Variants in CHCHD3 observed in about 807,000 individuals in gnomAD.
The protein encoded by CHCHD3 is MICOS complex subunit MIC19.
A neutral mutation model predicts 38.2 loss-of-function variants in CHCHD3; 20 were observed. The observed-to-expected ratio is 0.52, with a 90% CI of 0.37 to 0.76. CHCHD3 has a LOEUF of 0.76. Ranked by LOEUF, CHCHD3 falls within the 30% of genes least tolerant of loss-of-function variation. The pLI is 0.00. For missense variants in CHCHD3, 245 were observed against 279.2 expected (o/e 0.88, Z 0.87); for synonymous variants, 82 against 100.0 (o/e 0.82, Z 1.07).
intron 3 of CHCHD3, among the ~76,000 whole-genome samples, chr7:133,020,369 G>C (rs1315786253): frequency 6.6e-6 from 1 of 152,090 alleles, no homozygotes; most frequent in African/African-American, 2.4e-5. Context: ...AGATTTAATG[G>C]GGTTGGGGTA....
chr7:133,059,763 T>G (rs947133922), intron 2 of CHCHD3, among the ~76,000 whole-genome samples: 3 of 152,178 alleles, frequency 2.0e-5, no homozygotes, highest in African/African-American at 7.2e-5. Context: ...CCATGCCCAG[T>G]GGAACCAACC....
chr7:132,869,592 A>C (rs1013137823), intron 5 of CHCHD3, among the ~76,000 whole-genome samples: 1 of 152,154 alleles, frequency 6.6e-6, no homozygotes, highest in East Asian at 1.9e-4. Context: ...CCCACCCTCC[A>C]TGACTTGCTT....
At chr7:132,981,758 T>C (rs1811923417) in intron 3 of CHCHD3, among the ~76,000 whole-genome samples, 1 of 152,208 alleles carries the variant, frequency 6.6e-6, no homozygotes, top group African/African-American at 2.4e-5. Context: ...GCCATTACAC[T>C]ATGGAGAGAA....
intron 5 of CHCHD3, among the ~76,000 whole-genome samples, chr7:132,865,176 T>C (rs1808587684): frequency 1.3e-5 from 2 of 152,320 alleles, no homozygotes; most frequent in Admixed American, 6.5e-5. Context: ...TGATGACCCA[T>C]GCTAAGGATG....
At chr7:132,926,449 T>C (rs1810380250) in intron 4 of CHCHD3, among the ~76,000 whole-genome samples, 1 of 152,208 alleles carries the variant, frequency 6.6e-6, no homozygotes, top group South Asian at 2.1e-4. Flanking sequence ...GGTTTATATC[T>C]GATGGCTGAG....
chr7:132,807,628 T>C (rs559022042), intron 6 of CHCHD3, among the ~76,000 whole-genome samples: 2 of 138,280 alleles, frequency 1.4e-5, no homozygotes, highest in Non-Finnish European at 3.1e-5. Flanking sequence ...TATATATATA[T>C]ATATATATAT....
At chr7:133,030,877 TAAACCATTTACTTG>T (rs955950942) in intron 2 of CHCHD3, among the ~76,000 whole-genome samples, 13 of 152,334 alleles carry the variant, frequency 8.5e-5, no homozygotes, top group Non-Finnish European at 1.8e-4. Flanking sequence ...AGTGTGGCTC[TAAACCATTTACTTG>T]AAACCATTAC....
chr7:132,947,767 C>T (rs1780072418), intron 4 of CHCHD3, among the ~76,000 whole-genome samples: 1 of 151,754 alleles, frequency 6.6e-6, no homozygotes, highest in Admixed American at 6.6e-5. Context: ...TAAAACCTTC[C>T]TGCCAATTTT....
At chr7:132,983,680 C>T (rs577985530) in intron 3 of CHCHD3, among the ~76,000 whole-genome samples, 3 of 152,114 alleles carry the variant, frequency 2.0e-5, no homozygotes, top group African/African-American at 7.2e-5. Context: ...GGGACCCATA[C>T]AAAGTGTCAC....
intron 2 of CHCHD3, among the ~76,000 whole-genome samples, chr7:133,029,858 G>A (rs1355077802): frequency 6.6e-6 from 1 of 152,078 alleles, no homozygotes; most frequent in Non-Finnish European, 1.5e-5. Flanking sequence ...AAAAACGTGG[G>A]AAGAGGACAA....
chr7:132,906,027 A>G (rs1374757030), intron 4 of CHCHD3, among the ~76,000 whole-genome samples: 2 of 152,212 alleles, frequency 1.3e-5, no homozygotes, highest in Non-Finnish European at 2.9e-5. Context: ...CTATGCAAAG[A>G]GAGTGGATGT....
intron 2 of CHCHD3, among the ~76,000 whole-genome samples, chr7:133,059,081 C>T (rs191052102): frequency 4.0e-4 from 61 of 152,258 alleles, no homozygotes; most frequent in Non-Finnish European, 7.4e-5. Flanking sequence ...CTTCAAAGAG[C>T]AGGCCTCAGA....
intron 1 of CHCHD3, among the ~76,000 whole-genome samples, chr7:133,074,611 C>T (rs1240986874): frequency 6.6e-6 from 1 of 152,104 alleles, no homozygotes; most frequent in Non-Finnish European, 1.5e-5. Flanking sequence ...ATCTCTAGTC[C>T]AATGCTCTAC....
chr7:132,902,118 A>G (rs1465955027), intron 4 of CHCHD3, among the ~76,000 whole-genome samples: 3 of 152,186 alleles, frequency 2.0e-5, no homozygotes, highest in African/African-American at 7.2e-5. Flanking sequence ...AAAAACCACA[A>G]TGAGATACCA....
chr7:132,908,094 T>C (rs1809841623), intron 4 of CHCHD3, among the ~76,000 whole-genome samples: 1 of 152,160 alleles, frequency 6.6e-6, no homozygotes, highest in South Asian at 2.1e-4. Flanking sequence ...AACATAAAAT[T>C]AATTAATTAA....
rs540818526 is a variant in CHCHD3 at position 133,026,894 on chromosome 7, A to G, written c.170-2267T>C. Among the ~76,000 whole-genome samples, 18 of 152,254 alleles carry G rather than the reference A, an allele frequency of 1.2e-4. No homozygotes were observed. The South Asian group carries it at 3.7e-3, about 32-fold the overall frequency. On this transcript the variant is annotated intron_variant, in intron 2 of 7. Coordinates refer to ENST00000262570, the MANE Select transcript of CHCHD3 (RefSeq NM_017812.4). ...AAGCAGAAAATAGAGAATGACAGCT[A>G]ATGGGTATGGAATTATGGAATTTCT...
At chr7:132,796,357 T>C in intron 7 of CHCHD3, 85 bp downstream of exon 7, 1 of 1,470,760 alleles carries the variant, frequency 6.8e-7, no homozygotes, top group East Asian at 2.3e-5. Context: ...TCACACACAG[T>C]GGCCCATTTA....
intron 2 of CHCHD3, among the ~76,000 whole-genome samples, chr7:133,067,668 C>G (rs1002919671): frequency 6.6e-6 from 1 of 152,206 alleles, no homozygotes; most frequent in African/African-American, 2.4e-5. Context: ...TGTTTCTGCA[C>G]GACAAGGCAT....
chr7:133,052,574 G>T (rs537111150), intron 2 of CHCHD3, among the ~76,000 whole-genome samples: 1 of 152,316 alleles, frequency 6.6e-6, no homozygotes, highest in South Asian at 2.1e-4. Flanking sequence ...AAACTTCAGT[G>T]ACTAACGAAC....
Sources: allele counts gnomAD v4.1 joint callset (sites outside exome capture counted in the v4.1 genomes callset), GRCh38; gene constraint gnomAD v4.1.1; transcripts MANE v1.5; gene names NCBI Gene and HGNC (gene_info 2026-07-23, HGNC 2026-07-21).